Variants in OPCML observed in about 807,000 individuals in gnomAD.
OPCML encodes opioid binding protein/cell adhesion molecule like.
Under a neutral mutation model 37.8 loss-of-function variants are expected in OPCML, and 13 were observed. The ratio of observed to expected loss-of-function variants is 0.34; its 90% confidence interval spans 0.22 to 0.55. The LOEUF (loss-of-function observed/expected upper bound fraction) is 0.55. Ranked by LOEUF, OPCML falls within the 20% of genes least tolerant of loss-of-function variation. The probability of loss-of-function intolerance (pLI) is 0.91; values close to 1 mark genes in which losing one functional copy is unlikely to be tolerated. For missense variants in OPCML, 341 were observed against 435.6 expected (o/e 0.78, Z 1.93); for synonymous variants, 176 against 168.8 (o/e 1.04, Z -0.33).
intron 3 of OPCML, among the ~76,000 whole-genome samples, chr11:132,542,479 A>C (rs1162105396): frequency 6.6e-6 from 1 of 152,130 alleles, no homozygotes; most frequent in African/African-American, 2.4e-5. Flanking sequence ...GTCTCTATCC[A>C]GGTCTGGAGC....
intron 1 of OPCML, among the ~76,000 whole-genome samples, chr11:133,189,124 C>T (rs7107699): frequency 0.14 from 20,646 of 152,190 alleles, 1,671 homozygotes; most frequent in Middle Eastern, 0.23. Context: ...AAGACCTCAT[C>T]CTTACTGCCT....
chr11:132,858,282 C>T (rs1430914461), intron 2 of OPCML, among the ~76,000 whole-genome samples: 2 of 152,164 alleles, frequency 1.3e-5, no homozygotes, highest in African/African-American at 2.4e-5. Flanking sequence ...TGGCTGCACC[C>T]GACTCAGTCA....
At chr11:132,727,201 A>T (rs1346981608) in intron 2 of OPCML, among the ~76,000 whole-genome samples, 1 of 152,194 alleles carries the variant, frequency 6.6e-6, no homozygotes, top group East Asian at 1.9e-4. Flanking sequence ...AAACCAGCAT[A>T]GAGAGGTAGG....
At chr11:132,567,001 C>G (rs2096425037) in intron 3 of OPCML, among the ~76,000 whole-genome samples, 1 of 149,118 alleles carries the variant, frequency 6.7e-6, no homozygotes. Context: ...AGAATGACTA[C>G]TGGAATAAGT....
intron 1 of OPCML, among the ~76,000 whole-genome samples, chr11:133,106,767 A>G (rs1949165147): frequency 6.6e-6 from 1 of 152,212 alleles, no homozygotes; most frequent in South Asian, 2.1e-4. Context: ...AAGTAAATAT[A>G]CACTACATAA....
intron 1 of OPCML, among the ~76,000 whole-genome samples, chr11:133,261,489 C>T (rs138991381): frequency 6.8e-4 from 103 of 151,840 alleles, no homozygotes; most frequent in African/African-American, 2.4e-3. Context: ...GGTCTGCGTC[C>T]GGCTCTCTTC....
chr11:132,683,113 T>C (rs1943022675), intron 2 of OPCML, among the ~76,000 whole-genome samples: 1 of 152,166 alleles, frequency 6.6e-6, no homozygotes, highest in Non-Finnish European at 1.5e-5. Flanking sequence ...TTAAAATACT[T>C]GTAAAAAATA....
intron 1 of OPCML, among the ~76,000 whole-genome samples, chr11:133,038,881 C>G (rs1947833285): frequency 6.6e-6 from 1 of 151,640 alleles, no homozygotes. Flanking sequence ...TCCCCCAAGT[C>G]TCTGTGATCT....
intron 1 of OPCML, among the ~76,000 whole-genome samples, chr11:133,287,294 T>A (rs1352448207): frequency 4.1e-5 from 6 of 148,034 alleles, no homozygotes; most frequent in Non-Finnish European, 8.9e-5. Flanking sequence ...TTTTTTTTTT[T>A]AGAGATAAGG....
At chr11:132,467,946 A>G (rs1427763968) in intron 4 of OPCML, among the ~76,000 whole-genome samples, 2 of 152,220 alleles carry the variant, frequency 1.3e-5, no homozygotes, top group Non-Finnish European at 2.9e-5. Context: ...AAGGTTGAAT[A>G]GATGCGTTCA....
intron 1 of OPCML, among the ~76,000 whole-genome samples, chr11:133,059,403 C>A (rs1257949004): frequency 2.0e-5 from 3 of 152,148 alleles, no homozygotes; most frequent in Non-Finnish European, 4.4e-5. Flanking sequence ...GCCTTCTTCA[C>A]TGTGTTGATA....
chr11:133,049,484 T>C (rs577015581), intron 1 of OPCML, among the ~76,000 whole-genome samples: 1 of 152,330 alleles, frequency 6.6e-6, no homozygotes, highest in East Asian at 1.9e-4. Flanking sequence ...TGGCCCTTAG[T>C]GTCTTCGTCT....
At chr11:132,826,602 T>C (rs1940358057) in intron 2 of OPCML, among the ~76,000 whole-genome samples, 1 of 152,216 alleles carries the variant, frequency 6.6e-6, no homozygotes, top group South Asian at 2.1e-4. Flanking sequence ...AACATGGCCA[T>C]AGCACTTCCA....
chr11:132,703,768 G>A (rs1943923588), intron 2 of OPCML, among the ~76,000 whole-genome samples: 1 of 152,172 alleles, frequency 6.6e-6, no homozygotes, highest in Admixed American at 6.5e-5. Flanking sequence ...GAGTAGGCCT[G>A]AAATCTGGGT....
intron 1 of OPCML, among the ~76,000 whole-genome samples, chr11:133,221,713 T>A (rs773142369): frequency 6.6e-6 from 1 of 152,128 alleles, no homozygotes; most frequent in Non-Finnish European, 1.5e-5. Context: ...GCTGAGCGAG[T>A]GTGACTGCAG....
chr11:133,111,303 G>C (rs1949250416), intron 1 of OPCML, among the ~76,000 whole-genome samples: 2 of 152,150 alleles, frequency 1.3e-5, no homozygotes, highest in South Asian at 4.1e-4. Flanking sequence ...GTCTATTCCA[G>C]TTCCATATGT....
At chr11:133,169,168 T>C (rs1041075995) in intron 1 of OPCML, among the ~76,000 whole-genome samples, 1 of 152,134 alleles carries the variant, frequency 6.6e-6, no homozygotes, top group Non-Finnish European at 1.5e-5. Context: ...AAAGTAACTA[T>C]AGTTATTCCA....
chr11:132,443,325 G>C (rs2096042993), intron 4 of OPCML, among the ~76,000 whole-genome samples: 1 of 152,244 alleles, frequency 6.6e-6, no homozygotes. Flanking sequence ...GAAAGCAAGA[G>C]GGAAATGAGC....
At chr11:133,238,158 G>A (rs910287601) in intron 1 of OPCML, among the ~76,000 whole-genome samples, 3 of 152,154 alleles carry the variant, frequency 2.0e-5, no homozygotes, top group Non-Finnish European at 4.4e-5. Context: ...ACTTGACCCT[G>A]TATTACCCTG....
Sources: gnomAD v4.1 joint callset for allele counts (sites outside exome capture counted in the v4.1 genomes callset) on GRCh38, gnomAD v4.1.1 for gene constraint, MANE v1.5 for transcripts, NCBI Gene and HGNC (gene_info 2026-07-23, HGNC 2026-07-21) for gene names.